The following MAN2A2 variants were observed in gnomAD, a reference collection of about 807,000 sequenced individuals.
MAN2A2 encodes mannosidase alpha class 2A member 2.
MAN2A2 carries 79 observed loss-of-function variants against 126.8 expected under a neutral mutation model. The observed-to-expected ratio is 0.62, with a 90% CI of 0.52 to 0.75. The LOEUF (loss-of-function observed/expected upper bound fraction) is 0.75. MAN2A2 is among the 30% of genes least tolerant of loss of function. The pLI is 0.00. For synonymous variants in MAN2A2, 671 were observed against 618.7 expected (o/e 1.08, Z -1.25); for missense variants, 1,392 against 1,522.4 (o/e 0.91, Z 1.43).
Position 90,920,710 on chromosome 15 carries a change from G to C in MAN2A2, c.*923G>C, listed in dbSNP as rs558700636. The C allele has an allele frequency of 6.6e-6, 1 of 152,350 alleles. No individual in the cohort carries two copies. The highest frequency in any genetic ancestry group is 1.9e-4 in the East Asian group (1 of 5,184). The allele number at this position is 152,350 out of a possible 1,614,324, so 9.4% of individuals were successfully genotyped here. A position where few individuals can be genotyped will look rare whatever the true frequency, so the allele number is the denominator to read the frequency against. On this transcript the variant is annotated 3_prime_UTR_variant, in exon 23 of 23. Coordinates refer to ENST00000559717, the MANE Select transcript of MAN2A2 (RefSeq NM_006122.4). ...TCCATGTGCTTGGGCAGCTTGAGAA[G>C]GCGTTCAGCACCACGCCTAGCAGGC...
rs2035492745 is a variant in MAN2A2 at position 90,920,451 on chromosome 15, G to T, written c.*664G>T. The T allele has an allele frequency of 6.6e-6, 1 of 152,440 alleles. No individual in the cohort carries two copies. Among genetic ancestry groups the T allele is most frequent in the Non-Finnish European group, 1.5e-5 (1 of 68,210 alleles). 9.4% of individuals were successfully genotyped at this position (152,440 alleles called of 1,614,324 possible). On this transcript the variant is annotated 3_prime_UTR_variant, in exon 23 of 23. Transcript: ENST00000559717. ...TGGCAGGAAGGACTCGCTAGAGATT[G>T]TCATGGCCAGAGATCATAGGTCACT...
chr15:90,910,616 C>A lies in MAN2A2; in HGVS notation c.1693C>A (p.Leu565Ile). 1 of 1,614,184 alleles carries A rather than the reference C, an allele frequency of 6.2e-7. No homozygotes were observed. ...LLTEARRTLGLFQHHDAITGT... is the reference protein window; with the variant it reads ...LLTEARRTLGIFQHHDAITGT... The stretch of plus-strand genomic sequence containing the variant: ...GACGGAAGCTCGGCGCACATTGGGG[C>A]TCTTCCAGCATCACGATGCCATCAC... Residue 565 changes from leucine to isoleucine, a missense_variant, in exon 11 of 23, where the codon CTC becomes ATC. Physicochemically the swap from Leu to Ile is conservative, Grantham distance 5. Transcript: ENST00000559717.
At chr15:90,911,691 G>A (rs1442756570) in intron 14 of MAN2A2, 141 bp downstream of exon 14, 1 of 945,462 alleles carries the variant, frequency 1.1e-6, no homozygotes, top group Non-Finnish European at 1.5e-6. Context: ...GGAGGGGGTT[G>A]TCCAGAAGAC....
intron 7 of MAN2A2, 92 bp from the exon 8 acceptor site, chr15:90,907,217 T>C (rs1052012445): frequency 3.1e-6 from 4 of 1,299,854 alleles, no homozygotes; most frequent in Non-Finnish European, 4.3e-6. Context: ...CCTCGCGGTC[T>C]ATCAGGGCTG....
rs751201650 is a variant in MAN2A2 at position 90,918,371 on chromosome 15, C to T, written c.3172C>T (p.Arg1058Cys). Residue 1058 changes from arginine to cysteine, a missense_variant, in exon 21 of 23, where the codon CGT (arginine) becomes TGT (cysteine). Arg to Cys is a radical substitution (Grantham distance 180). Coordinates refer to ENST00000559717, the MANE Select transcript of MAN2A2 (RefSeq NM_006122.4). ...LPCDFHLLNL[R>C]TLQAEEDTLP... is the part of the protein sequence containing the mutation. ...CTGTGACTTCCACCTGCTCAACCTACGTACGCTCCAGGCTGAGGTGAGTGT... is the reference window on the plus strand; with the variant it reads ...CTGTGACTTCCACCTGCTCAACCTATGTACGCTCCAGGCTGAGGTGAGTGT... 5.0e-6 allele frequency: 8 copies of T among 1,613,952 alleles called. 1 individual carries two copies. Among genetic ancestry groups the T allele is most frequent in the Admixed American group, 3.3e-5 (2 of 60,018 alleles).
chr15:90,912,858 C>T lies in MAN2A2; in HGVS notation c.2470-19C>T, dbSNP rs757535214. The T allele has an allele frequency of 1.9e-6, 3 of 1,603,380 alleles. No homozygotes were observed. Among genetic ancestry groups the T allele is most frequent in the East Asian group, 2.2e-5 (1 of 44,750 alleles). On this transcript the variant is annotated intron_variant, in intron 16 of 22. Transcript: ENST00000559717. The stretch of plus-strand genomic sequence containing the variant: ...GCCCTCTGTGCTGTAGTTTCAACAG[C>T]AATCTGCTCTTTCTCTAGCCCTACG...
chr15:90,917,113 C>T (rs150735125), intron 20 of MAN2A2, among the ~76,000 whole-genome samples: 4 of 152,150 alleles, frequency 2.6e-5, no homozygotes, highest in African/African-American at 9.7e-5. Context: ...GCCAGTAGCC[C>T]TATATGGCTA....
intron 8 of MAN2A2, 47 bp downstream of exon 8, chr15:90,907,542 G>C: frequency 6.4e-7 from 1 of 1,573,822 alleles, no homozygotes; most frequent in Non-Finnish European, 8.6e-7. Context: ...CGGGAGGCCT[G>C]GCTCTGGTCT....
intron 20 of MAN2A2, 41 bp downstream of exon 20, chr15:90,916,297 AGTCCCTGGGGGTGGCCGGGGG>A: frequency 6.2e-7 from 1 of 1,601,066 alleles, no homozygotes; most frequent in Non-Finnish European, 8.5e-7. Flanking sequence ...AGGTCTGGCT[AGTCCCTGGGGGTGGCCGGGGG>A]GTCCAGCCTA....
Position 90,913,354 on chromosome 15 carries a change from A to G in MAN2A2, c.2666A>G (p.His889Arg). Residue 889 changes from histidine to arginine, a missense_variant, in exon 18 of 23, where the codon CAT (histidine) becomes CGT (arginine). Transcript: ENST00000559717. ...AACAAGGAGCTGGCCCTGCACATCCATACAGACATCGACAGCCAGGGTATC... is the reference window on the plus strand; with the variant it reads ...AACAAGGAGCTGGCCCTGCACATCCGTACAGACATCGACAGCCAGGGTATC... ...YVNKELALHI[H>R]TDIDSQGIFF... 6.2e-7 allele frequency: 1 copy of G among 1,608,518 alleles called. No homozygotes were observed. The highest frequency in any genetic ancestry group is 1.1e-5 in the South Asian group (1 of 90,982).
Position 90,922,096 on chromosome 15 carries a change from C to T in MAN2A2, c.*2309C>T, listed in dbSNP as rs984603510. 3 of 152,020 alleles carry T rather than the reference C, an allele frequency of 2.0e-5. No homozygotes were observed. The highest frequency in any genetic ancestry group is 6.6e-5 in the Admixed American group (1 of 15,264). The allele number at this position is 152,020 out of a possible 1,614,324, so 9.4% of individuals were successfully genotyped here. On this transcript the variant is annotated 3_prime_UTR_variant, in exon 23 of 23. Coordinates refer to ENST00000559717, the MANE Select transcript of MAN2A2 (RefSeq NM_006122.4). Reference sequence around the variant, plus strand: ...GGGAAAAGATAAGCAGATTTCGCAACCAAAAAATATCGAAAGTCTCTGTGT... The same window carrying T: ...GGGAAAAGATAAGCAGATTTCGCAATCAAAAAATATCGAAAGTCTCTGTGT...
chr15:90,912,887 C>G lies in MAN2A2; in HGVS notation c.2480C>G (p.Pro827Arg), dbSNP rs267604386. 6.2e-7 allele frequency: 1 copy of G among 1,613,824 alleles called. No individual in the cohort carries two copies. Among genetic ancestry groups the G allele is most frequent in the Non-Finnish European group, 8.5e-7 (1 of 1,179,824 alleles). Reference protein sequence around the residue: ...LPDGEAKPYVPKEPPVLRVTE... With the variant: ...LPDGEAKPYVRKEPPVLRVTE... ...CTGCTCTTTCTCTAGCCCTACGTCC[C>G]CAAGGAGCCCCCCGTGCTGCGTGTC... Residue 827 changes from proline (P) to arginine (R), a missense_variant, in exon 17 of 23, where the codon CCC (proline) becomes CGC (arginine). Physicochemically the swap from Pro to Arg is moderately radical, Grantham distance 103. Transcript: ENST00000559717.
Position 90,905,345 on chromosome 15 carries a change from T to C in MAN2A2, c.227T>C (p.Leu76Pro), listed in dbSNP as rs1208105169. 1.2e-6 allele frequency: 2 copies of C among 1,613,926 alleles called. No homozygotes were observed. The highest frequency in any genetic ancestry group is 1.7e-6 in the Non-Finnish European group (2 of 1,180,044). Residue 76 changes from leucine to proline, a missense_variant, in exon 3 of 23, where the codon CTG (leucine) becomes CCG (proline). Leu to Pro is a moderately conservative substitution (Grantham distance 98). Transcript: ENST00000559717. Reference sequence around the variant, plus strand: ...ATCAGCCATATCAAGGACTCCGTGCTGGAGCTGACAGCCAACGCAGAGGGC... The same window carrying C: ...ATCAGCCATATCAAGGACTCCGTGCCGGAGCTGACAGCCAACGCAGAGGGC... ...EIISHIKDSVLELTANAEGPP... is the reference protein window; with the variant it reads ...EIISHIKDSVPELTANAEGPP...
At position 90,909,466 on chromosome 15, in the gene MAN2A2, T is replaced by G; in HGVS notation, c.1336T>G (p.Phe446Val). 1.2e-6 allele frequency: 2 copies of G among 1,614,114 alleles called. No individual in the cohort carries two copies. The highest frequency in any genetic ancestry group is 1.7e-6 in the Non-Finnish European group (2 of 1,179,954). ...CCAGTTCTTCAACTACCAACGGCTC[T>G]TTGACTTCTTCAACAGCAGGCCTAA... ...DAQFFNYQRL[F>V]DFFNSRPNLH... is the part of the protein sequence containing the mutation. The change falls in exon 9 of 23, where the codon TTT becomes GTT. Residue 446 changes from phenylalanine to valine, a missense_variant. By Grantham distance (50) the Phe-to-Val change is conservative (BLOSUM62 -1). Transcript: ENST00000559717.
chr15:90,906,666 C>A (rs2034315022), intron 6 of MAN2A2, 74 bp from the exon 7 acceptor site: 2 of 1,582,724 alleles, frequency 1.3e-6, no homozygotes, highest in Non-Finnish European at 1.7e-6. Context: ...AGCTGGGGTC[C>A]CAGCACCTGG....
chr15:90,918,514 A>G, intron 21 of MAN2A2, 126 bp downstream of exon 21: 1 of 1,289,068 alleles, frequency 7.8e-7, no homozygotes, highest in East Asian at 2.4e-5. Flanking sequence ...CCAAACCTCC[A>G]GGACCAGGTT....
At position 90,918,796 on chromosome 15, in the gene MAN2A2, C is replaced by T. The variant is rs776237585; in HGVS notation, c.3300+41C>T. The T allele has an allele frequency of 5.0e-6, 7 of 1,396,844 alleles. 1 individual carries two copies. The South Asian group carries it at 8.3e-5, about 16-fold the overall frequency. 86.5% of individuals were successfully genotyped at this position (1,396,844 alleles called of 1,614,324 possible). On this transcript the variant is annotated intron_variant, in intron 22 of 22. Transcript: ENST00000559717. ...AAACAGAGCACCTAGGAATGGCAGG[C>T]ATGAGCTTGGTAAGACTGGGCTGAG...
At chr15:90,902,939 A>G (rs2033954350), upstream of MAN2A2, 3 of 150,812 alleles carry the variant, frequency 2.0e-5, no homozygotes, top group Admixed American at 6.6e-5. Flanking sequence ...AGCTCGGCCG[A>G]CTGGGCCCGG....
intron 4 of MAN2A2, 56 bp downstream of exon 4, chr15:90,905,779 C>G: frequency 1.2e-6 from 2 of 1,605,154 alleles, no homozygotes; most frequent in East Asian, 4.5e-5. Context: ...TTCTGATGGC[C>G]AATACAAGGG....
Sources: allele counts gnomAD v4.1 joint callset (sites outside exome capture counted in the v4.1 genomes callset), GRCh38; gene constraint gnomAD v4.1.1; transcripts MANE v1.5; gene names NCBI Gene and HGNC (gene_info 2026-07-23, HGNC 2026-07-21).